ARIH1: variants seen among roughly 807,000 people sequenced by gnomAD.
ARIH1 encodes the protein E3 ubiquitin-protein ligase ARIH1.
A neutral mutation model predicts 85.0 loss-of-function variants in ARIH1; 8 were observed. The observed-to-expected ratio is 0.09, with a 90% CI of 0.06 to 0.17. The LOEUF (loss-of-function observed/expected upper bound fraction) is 0.17, where lower values mean the gene tolerates loss of function less well. ARIH1 is among the 10% of genes least tolerant of loss of function. The pLI is 1.00. For synonymous variants in ARIH1, 238 were observed against 253.6 expected, an observed-to-expected ratio of 0.94 and a Z score of 0.59; for missense variants, 311 against 718.1, an observed-to-expected ratio of 0.43 and a Z score of 6.48.
chr15:72,527,471 A>T (rs983388805), intron 2 of ARIH1, among the ~76,000 whole-genome samples: 29 of 152,032 alleles, frequency 1.9e-4, no homozygotes, highest in African/African-American at 6.8e-4. Flanking sequence ...GAGGGATGGG[A>T]AAGTGAATTG....
In ARIH1 at chr15:72,600,575, G is replaced by A. The variant is rs11072379; in HGVS notation, c.*17283G>A. On this transcript the variant is annotated 3_prime_UTR_variant, in exon 14 of 14. Coordinates refer to ENST00000379887, the MANE Select transcript of ARIH1 (RefSeq NM_005744.5). ...ATTTTAAAATTTTTTGTAGAGACGGGTCTCACTATGTTGCTCAGGCTGGTA... is the reference window on the plus strand; with the variant it reads ...ATTTTAAAATTTTTTGTAGAGACGGATCTCACTATGTTGCTCAGGCTGGTA... The A allele has an allele frequency of 0.71, 107,861 of 152,092 alleles. 45,058 individuals carry two copies. Among genetic ancestry groups the A allele is most frequent in the Non-Finnish European group, 0.91 (61,981 of 68,024 alleles). 9.4% of individuals were successfully genotyped at this position (152,092 alleles called of 1,614,324 possible). A position where few individuals can be genotyped will look rare whatever the true frequency, so the allele number is the denominator to read the frequency against.
intron 1 of ARIH1, among the ~76,000 whole-genome samples, chr15:72,479,223 A>G (rs1372449917): frequency 6.6e-6 from 1 of 152,164 alleles, no homozygotes; most frequent in Non-Finnish European, 1.5e-5. Flanking sequence ...AAGTATAATT[A>G]AATATTCCAA....
At chr15:72,575,245 C>G (rs1298389713) in intron 11 of ARIH1, among the ~76,000 whole-genome samples, 1 of 152,144 alleles carries the variant, frequency 6.6e-6, no homozygotes, top group East Asian at 1.9e-4. Flanking sequence ...TTTCAGGTCG[C>G]TGATTACATT....
intron 2 of ARIH1, among the ~76,000 whole-genome samples, chr15:72,520,773 A>G (rs1468471730): frequency 6.6e-6 from 1 of 152,134 alleles, no homozygotes; most frequent in Admixed American, 6.5e-5. Context: ...CAAGACAAAA[A>G]CTGTAGCATA....
chr15:72,476,148 T>A (rs2063794108), intron 1 of ARIH1, among the ~76,000 whole-genome samples: 1 of 152,234 alleles, frequency 6.6e-6, no homozygotes, highest in Non-Finnish European at 1.5e-5. Context: ...ATTAGAAGTA[T>A]GTCACTGTCA....
In ARIH1 at chr15:72,567,117, A is replaced by G. The variant is rs751338363; in HGVS notation, c.966A>G (p.Lys322=). 3 of 1,611,018 alleles carry G rather than the reference A, an allele frequency of 1.9e-6. No homozygotes were observed. Among genetic ancestry groups the G allele is most frequent in the Admixed American group, 1.7e-5 (1 of 59,466 alleles). The change falls in exon 9 of 14, where the codon AAA becomes AAG. Residue 322 remains lysine (K), a synonymous_variant. Transcript: ENST00000379887. ...TTATTTTCAAACAGTGGTTAAAGAA[A>G]TGGATTAAAAAGTGTGATGATGACA... ...HDPVKCKWLK[K]WIKKCDDDSE...
Position 72,602,222 on chromosome 15 carries a change from A to G in ARIH1, c.*18930A>G, listed in dbSNP as rs1337342146. 1 of 152,240 alleles carries G rather than the reference A, an allele frequency of 6.6e-6. No homozygotes were observed. Among genetic ancestry groups the G allele is most frequent in the Non-Finnish European group, 1.5e-5 (1 of 68,038 alleles). The allele number at this position is 152,240 out of a possible 1,614,324, so 9.4% of individuals were successfully genotyped here. A position where few individuals can be genotyped will look rare whatever the true frequency, so the allele number is the denominator to read the frequency against. On this transcript the variant is annotated 3_prime_UTR_variant, in exon 14 of 14. Coordinates refer to ENST00000379887, the MANE Select transcript of ARIH1 (RefSeq NM_005744.5). ...AATAATTCAGTTAAAGATTATGTGC[A>G]TTTTTAATTTTGGTAGTTATTGCCA...
chr15:72,530,079 TA>T (rs2064048999), intron 2 of ARIH1, among the ~76,000 whole-genome samples: 1 of 152,126 alleles, frequency 6.6e-6, no homozygotes, highest in Non-Finnish European at 1.5e-5. Context: ...TAGCAGAGGG[TA>T]GATGGAAAGA....
intron 1 of ARIH1, among the ~76,000 whole-genome samples, chr15:72,497,850 C>A (rs868657529): frequency 4.6e-4 from 70 of 152,270 alleles, no homozygotes; most frequent in African/African-American, 1.7e-3. Flanking sequence ...AACCTAAGAT[C>A]TTACCACAGC....
At chr15:72,579,648 A>AT (rs2064287562) in intron 11 of ARIH1, among the ~76,000 whole-genome samples, 1 of 152,172 alleles carries the variant, frequency 6.6e-6, no homozygotes, top group Non-Finnish European at 1.5e-5. Flanking sequence ...CTTAAATTGA[A>AT]TTTTAAGTAG....
intron 2 of ARIH1, among the ~76,000 whole-genome samples, chr15:72,534,582 A>G (rs961215457): frequency 6.6e-6 from 1 of 152,198 alleles, no homozygotes; most frequent in African/African-American, 2.4e-5. Context: ...GTAAACTTAC[A>G]TTTTGCCAAG....
At chr15:72,488,139 G>A (rs954088284) in intron 1 of ARIH1, among the ~76,000 whole-genome samples, 1 of 152,092 alleles carries the variant, frequency 6.6e-6, no homozygotes. Flanking sequence ...GGGCTCAAGC[G>A]ATCCTCCCAC....
chr15:72,475,836 C>T (rs1000494947), intron 1 of ARIH1, among the ~76,000 whole-genome samples: 1 of 152,058 alleles, frequency 6.6e-6, no homozygotes, highest in Non-Finnish European at 1.5e-5. Flanking sequence ...CTGATATTTT[C>T]TATTTTGTGG....
intron 1 of ARIH1, among the ~76,000 whole-genome samples, chr15:72,483,546 C>G (rs1487201249): frequency 6.6e-6 from 1 of 152,192 alleles, no homozygotes; most frequent in East Asian, 1.9e-4. Context: ...GGCTGTTTGT[C>G]TCTGTCTCTC....
Position 72,581,028 on chromosome 15 carries a change from G to A in ARIH1, c.1476+37G>A, listed in dbSNP as rs1355640931. Reference sequence around the variant, plus strand: ...TCTGGGTGAGGAAAAAGCCCACCTTGTATCATAGGTCTACCTGATCTTTCA... The same window carrying A: ...TCTGGGTGAGGAAAAAGCCCACCTTATATCATAGGTCTACCTGATCTTTCA... On this transcript the variant is annotated intron_variant, in intron 12 of 13. Transcript: ENST00000379887. 3 of 1,588,176 alleles carry A rather than the reference G, an allele frequency of 1.9e-6. No homozygotes were observed. The Admixed American group carries it at 5.1e-5, about 27-fold the overall frequency.
At chr15:72,506,086 C>T (rs545816785) in intron 1 of ARIH1, among the ~76,000 whole-genome samples, 81 of 151,844 alleles carry the variant, frequency 5.3e-4, no homozygotes, top group African/African-American at 1.9e-3. Flanking sequence ...GCGTGGCTCA[C>T]GCCTATAATA....
chr15:72,528,968 A>G (rs1212845784), intron 2 of ARIH1, among the ~76,000 whole-genome samples: 2 of 152,208 alleles, frequency 1.3e-5, no homozygotes, highest in African/African-American at 2.4e-5. Context: ...TGGGAGGCCA[A>G]GGTGGGCGGA....
At chr15:72,530,721 G>C (rs2064052793) in intron 2 of ARIH1, among the ~76,000 whole-genome samples, 1 of 152,162 alleles carries the variant, frequency 6.6e-6, no homozygotes, top group African/African-American at 2.4e-5. Flanking sequence ...AAAAAAATCA[G>C]AATTTTTATA....
chr15:72,482,704 A>G (rs779032183), intron 1 of ARIH1, among the ~76,000 whole-genome samples: 1 of 152,096 alleles, frequency 6.6e-6, no homozygotes, highest in Admixed American at 6.6e-5. Context: ...TTAGTGGCTT[A>G]AAAAAACAAG....
Sources: allele counts gnomAD v4.1 joint callset (sites outside exome capture counted in the v4.1 genomes callset), GRCh38; gene constraint gnomAD v4.1.1; transcripts MANE v1.5; gene names NCBI Gene and HGNC (gene_info 2026-07-23, HGNC 2026-07-21).